ATXN1: variants seen among roughly 807,000 people sequenced by gnomAD.
ATXN1 encodes the protein ataxin 1.
ATXN1 carries 8 observed loss-of-function variants against 56.4 expected under a neutral mutation model. The observed-to-expected ratio is 0.14, with a 90% confidence interval of 0.08 to 0.26. The LOEUF (loss-of-function observed/expected upper bound fraction) is 0.26. Ranked by LOEUF, ATXN1 falls within the 10% of genes least tolerant of loss-of-function variation. The pLI, the probability that ATXN1 is intolerant of heterozygous loss-of-function variation, is 1.00. For synonymous variants in ATXN1, 514 were observed against 494.6 expected, an observed-to-expected ratio of 1.04 and a Z score of -0.52; for missense variants, 987 against 1,106.5, an observed-to-expected ratio of 0.89 and a Z score of 1.53.
At chr6:16,676,727 A>G (rs1274403074) in intron 2 of ATXN1, among the ~76,000 whole-genome samples, 1 of 152,174 alleles carries the variant, frequency 6.6e-6, no homozygotes, top group Non-Finnish European at 1.5e-5. Flanking sequence ...AGTTTCGGTT[A>G]TGGACTGCTT....
chr6:16,355,170 C>G (rs1761659623), intron 6 of ATXN1, among the ~76,000 whole-genome samples: 1 of 152,180 alleles, frequency 6.6e-6, no homozygotes, highest in Admixed American at 6.5e-5. Flanking sequence ...GCCATCTTCC[C>G]TTGGACTGGC....
At chr6:16,346,718 C>A (rs1183079071) in intron 6 of ATXN1, among the ~76,000 whole-genome samples, 1 of 151,514 alleles carries the variant, frequency 6.6e-6, no homozygotes, top group Non-Finnish European at 1.5e-5. Flanking sequence ...TGACAGCATA[C>A]TGGCAGCCCT....
chr6:16,710,185 G>A (rs1039099687), intron 2 of ATXN1, among the ~76,000 whole-genome samples: 2 of 152,142 alleles, frequency 1.3e-5, no homozygotes, highest in African/African-American at 4.8e-5. Context: ...ATTTGAAAAG[G>A]ATGATTTAAA....
chr6:16,638,960 G>A (rs961007710), intron 3 of ATXN1, among the ~76,000 whole-genome samples: 1 of 152,196 alleles, frequency 6.6e-6, no homozygotes, highest in African/African-American at 2.4e-5. Flanking sequence ...TTCTTGGGTC[G>A]AGTGGGGACT....
chr6:16,415,606 A>G (rs888914645), intron 6 of ATXN1, among the ~76,000 whole-genome samples: 1 of 152,238 alleles, frequency 6.6e-6, no homozygotes, highest in South Asian at 2.1e-4. Context: ...ATAAAACCAG[A>G]GCAGAAGTAG....
At chr6:16,722,934 A>G (rs1759774778) in intron 2 of ATXN1, among the ~76,000 whole-genome samples, 1 of 152,166 alleles carries the variant, frequency 6.6e-6, no homozygotes, top group Non-Finnish European at 1.5e-5. Context: ...ACTCTCTCTC[A>G]CACACACGCA....
intron 6 of ATXN1, among the ~76,000 whole-genome samples, chr6:16,411,797 T>C (rs1199744791): frequency 6.6e-6 from 1 of 152,246 alleles, no homozygotes; most frequent in Admixed American, 6.5e-5. Flanking sequence ...TATACCTTCA[T>C]GCCTAATTCC....
intron 4 of ATXN1, among the ~76,000 whole-genome samples, chr6:16,560,574 T>C (rs949066631): frequency 1.3e-5 from 2 of 152,178 alleles, no homozygotes; most frequent in African/African-American, 4.8e-5. Flanking sequence ...CCAGCTCCTC[T>C]CAGACACCCG....
intron 3 of ATXN1, among the ~76,000 whole-genome samples, chr6:16,603,642 T>C (rs989584371): frequency 6.6e-6 from 1 of 151,994 alleles, no homozygotes; most frequent in Non-Finnish European, 1.5e-5. Flanking sequence ...AAAAATCAAA[T>C]ACAAAAACAC....
rs1365529365 is a variant in ATXN1, at chr6:16,761,287, T to C, written c.-730+11A>G. 1 of 442,938 alleles carries C rather than the reference T, an allele frequency of 2.3e-6. No individual in the cohort carries two copies. The highest frequency in any genetic ancestry group is 1.6e-5 in the South Asian group (1 of 63,440). 27.4% of individuals were successfully genotyped at this position (442,938 alleles called of 1,614,324 possible). A position where few individuals can be genotyped will look rare whatever the true frequency, so the allele number is the denominator to read the frequency against. On this transcript the variant is annotated intron_variant, in intron 1 of 7. Transcript: ENST00000436367. ...AAAGAATCGGAGGAGGAAAAAAAAA[T>C]AGTCACTTACTGTAAAGTGTAAATG... is the stretch of plus-strand genomic sequence containing the variant.
chr6:16,670,688 G>GC (rs1369512279), intron 2 of ATXN1, among the ~76,000 whole-genome samples: 1 of 152,160 alleles, frequency 6.6e-6, no homozygotes, highest in Non-Finnish European at 1.5e-5. Context: ...TCGCATTGAT[G>GC]CATTTCATTA....
At chr6:16,447,723 A>G (rs949416491) in intron 6 of ATXN1, among the ~76,000 whole-genome samples, 1 of 152,198 alleles carries the variant, frequency 6.6e-6, no homozygotes, top group South Asian at 2.1e-4. Flanking sequence ...CTTAGTAAGC[A>G]TTACTAAAAT....
chr6:16,309,242 AT>A (rs1240862019), intron 7 of ATXN1, among the ~76,000 whole-genome samples: 15 of 148,890 alleles, frequency 1.0e-4, no homozygotes, highest in African/African-American at 2.7e-4. Context: ...AAAAAAAAAA[AT>A]AAATAATAAT....
intron 6 of ATXN1, among the ~76,000 whole-genome samples, chr6:16,345,265 C>T (rs1466527488): frequency 3.9e-5 from 6 of 152,100 alleles, no homozygotes; most frequent in Non-Finnish European, 5.9e-5. Context: ...TGTTACTTCT[C>T]GGGTCAGGAA....
intron 2 of ATXN1, among the ~76,000 whole-genome samples, chr6:16,716,104 C>CTA (rs749684330): frequency 1.3e-5 from 2 of 152,170 alleles, no homozygotes; most frequent in Non-Finnish European, 2.9e-5. Context: ...GATCACAGTC[C>CTA]TATGATGATA....
In ATXN1 at chr6:16,643,627, CAAAAA is replaced by C. The variant is rs58223053; in HGVS notation, c.-489+14144_-489+14148del. ...CTGGGAGACAAGAGTGAGACCCTGC[CAAAAA>C]AAAAAAAAAAAAAAAAGAGAAGAGA... On this transcript the variant is annotated intron_variant, in intron 3 of 7. Coordinates refer to ENST00000436367, the MANE Select transcript of ATXN1 (RefSeq NM_001128164.2). Among the ~76,000 whole-genome samples the C allele has an allele frequency of 2.5e-4, 16 of 63,180 alleles. No homozygotes were observed. The East Asian group carries it at 5.4e-3, about 21-fold the overall frequency. The allele number at this position is 63,180 out of a possible 152,430, so 41.4% of individuals were successfully genotyped here.
chr6:16,638,615 C>T (rs1393970197), intron 3 of ATXN1, among the ~76,000 whole-genome samples: 1 of 152,168 alleles, frequency 6.6e-6, no homozygotes, highest in African/African-American at 2.4e-5. Flanking sequence ...GTGGGAACAC[C>T]TATAAATGAC....
chr6:16,397,945 G>A (rs1388338999), intron 6 of ATXN1, among the ~76,000 whole-genome samples: 1 of 152,140 alleles, frequency 6.6e-6, no homozygotes, highest in East Asian at 1.9e-4. Flanking sequence ...GTCCCTGTTT[G>A]ACAGGTGAGA....
At chr6:16,555,470 A>G (rs1483423910) in intron 4 of ATXN1, among the ~76,000 whole-genome samples, 1 of 152,150 alleles carries the variant, frequency 6.6e-6, no homozygotes, top group Non-Finnish European at 1.5e-5. Context: ...CACACCACCT[A>G]ACAATGCTAC....
Sources: allele counts gnomAD v4.1 joint callset (sites outside exome capture counted in the v4.1 genomes callset), GRCh38; gene constraint gnomAD v4.1.1; transcripts MANE v1.5; gene names NCBI Gene and HGNC (gene_info 2026-07-23, HGNC 2026-07-21).